DYDC2: variants seen among roughly 807,000 people sequenced by gnomAD.
The protein encoded by DYDC2 is DPY30 domain-containing protein 2.
In DYDC2, 19 loss-of-function variants were observed where a neutral mutation model predicts 18.7. The observed-to-expected ratio is 1.02, with a 90% CI of 0.71 to 1.49. The LOEUF (loss-of-function observed/expected upper bound fraction) is 1.49, where lower values mean the gene tolerates loss of function less well. Among genes scored for constraint, DYDC2 ranks in the 40% most tolerant of loss-of-function variants. The pLI, the probability that DYDC2 is intolerant of heterozygous loss-of-function variation, is 0.00. For missense variants in DYDC2, 179 were observed against 205.1 expected, an observed-to-expected ratio of 0.87 and a Z score of 0.78; for synonymous variants, 63 against 67.6, an observed-to-expected ratio of 0.93 and a Z score of 0.34.
chr10:80,346,617 C>G (rs1259362939), intron 1 of DYDC2, among the ~76,000 whole-genome samples: 1 of 151,606 alleles, frequency 6.6e-6, no homozygotes, highest in Non-Finnish European at 1.5e-5. Context: ...CCCGCCACCA[C>G]GCCCGGCTAA....
chr10:80,367,154 G>GT lies in DYDC2; in HGVS notation c.*204dup. On this transcript the variant is annotated 3_prime_UTR_variant, in exon 5 of 5. Transcript: ENST00000256039. ...AACTCAGAATAAGGATTTAAAATAA[G>GT]TAACCAAGTGGCTGTGACTTTTTCC... 1.7e-6 allele frequency: 1 copy of GT among 574,032 alleles called. No individual in the cohort carries two copies. The highest frequency in any genetic ancestry group is 2.8e-6 in the Non-Finnish European group (1 of 352,144). The allele number at this position is 574,032 out of a possible 1,614,324, so 35.6% of individuals were successfully genotyped here.
chr10:80,358,290 A>C (rs1843511158), intron 2 of DYDC2, among the ~76,000 whole-genome samples: 1 of 152,162 alleles, frequency 6.6e-6, no homozygotes, highest in Admixed American at 6.5e-5. Context: ...AGACAGCGGA[A>C]TTGCTTGAAC....
At chr10:80,364,535 C>T (rs112911677) in intron 4 of DYDC2, among the ~76,000 whole-genome samples, 36 of 152,290 alleles carry the variant, frequency 2.4e-4, no homozygotes, top group Non-Finnish European at 2.6e-4. Context: ...GAAAATTTCT[C>T]GGTTCACATC....
intron 2 of DYDC2, among the ~76,000 whole-genome samples, chr10:80,359,884 C>T (rs145717999): frequency 7.2e-5 from 11 of 152,308 alleles, no homozygotes; most frequent in African/African-American, 2.4e-4. Context: ...TCCACACCTC[C>T]CTGCAAGCAG....
intron 2 of DYDC2, among the ~76,000 whole-genome samples, chr10:80,358,708 G>C (rs537086932): frequency 1.3e-5 from 2 of 152,184 alleles, no homozygotes; most frequent in Non-Finnish European, 2.9e-5. Flanking sequence ...TGCAGGTTCT[G>C]AATCTGTGGT....
upstream of DYDC2, chr10:80,356,645 C>T (rs1164571791): frequency 1.0e-6 from 1 of 984,860 alleles, no homozygotes; most frequent in Admixed American, 6.1e-5. Context: ...CCGCCTCTGC[C>T]CGCCGGACCC....
intron 1 of DYDC2, among the ~76,000 whole-genome samples, chr10:80,347,566 C>T (rs560884965): frequency 5.3e-5 from 8 of 152,140 alleles, no homozygotes; most frequent in Non-Finnish European, 1.0e-4. Flanking sequence ...TGTTTTCTTC[C>T]GGGAGTTTTA....
chr10:80,350,338 T>A (rs1263782442), intron 1 of DYDC2, among the ~76,000 whole-genome samples: 1 of 152,208 alleles, frequency 6.6e-6, no homozygotes, highest in Non-Finnish European at 1.5e-5. Flanking sequence ...ACTTACGATG[T>A]AATTGCCTAG....
At chr10:80,351,317 C>T (rs1316745552) in intron 1 of DYDC2, among the ~76,000 whole-genome samples, 1 of 152,168 alleles carries the variant, frequency 6.6e-6, no homozygotes, top group Non-Finnish European at 1.5e-5. Flanking sequence ...CTCTCATCTC[C>T]ATGGTGAGCT....
In DYDC2 at chr10:80,362,522, A is replaced by C; in HGVS notation, c.79A>C (p.Ser27Arg). 2 of 1,614,186 alleles carry C rather than the reference A, an allele frequency of 1.2e-6. No individual in the cohort carries two copies. ...ALAEVAKVRP[S>R]DPIEYLAHWL... ...GGCAGAGGTGGCGAAGGTTCGGCCCAGTGACCCAATAGAATACCTGGCTCA... is the reference window on the plus strand; with the variant it reads ...GGCAGAGGTGGCGAAGGTTCGGCCCCGTGACCCAATAGAATACCTGGCTCA... The change falls in exon 3 of 5, where the codon AGT (serine) becomes CGT (arginine). Residue 27 changes from serine (S) to arginine (R), a missense_variant. By Grantham distance (110) the Ser-to-Arg change is moderately radical. Coordinates refer to ENST00000256039, the MANE Select transcript of DYDC2 (RefSeq NM_032372.6).
chr10:80,354,995 A>G (rs1270800312), upstream of DYDC2, among the ~76,000 whole-genome samples: 1 of 152,144 alleles, frequency 6.6e-6, no homozygotes, highest in Non-Finnish European at 1.5e-5. Context: ...TGCAGTTAAA[A>G]TAAGTACTAT....
chr10:80,367,152 A>G lies in DYDC2; in HGVS notation c.*201A>G, dbSNP rs1375172635. 1.7e-6 allele frequency: 1 copy of G among 582,474 alleles called. No homozygotes were observed. The highest frequency in any genetic ancestry group is 2.8e-6 in the Non-Finnish European group (1 of 358,118). The allele number at this position is 582,474 out of a possible 1,614,324, so 36.1% of individuals were successfully genotyped here. Reference sequence around the variant, plus strand: ...TAAACTCAGAATAAGGATTTAAAATAAGTAACCAAGTGGCTGTGACTTTTT... The same window carrying G: ...TAAACTCAGAATAAGGATTTAAAATGAGTAACCAAGTGGCTGTGACTTTTT... On this transcript the variant is annotated 3_prime_UTR_variant, in exon 5 of 5. Transcript: ENST00000256039.
At chr10:80,356,915 A>G (rs1466262015) in intron 1 of DYDC2, 90 bp downstream of exon 1, 56 of 917,590 alleles carry the variant, frequency 6.1e-5, no homozygotes, top group Non-Finnish European at 7.0e-5. Context: ...GGCAGAGTAG[A>G]GGGGGCGCGG....
upstream of DYDC2, among the ~76,000 whole-genome samples, chr10:80,355,226 T>G (rs993802003): frequency 6.6e-6 from 1 of 151,966 alleles, no homozygotes; most frequent in Non-Finnish European, 1.5e-5. Flanking sequence ...AACTTGTCCC[T>G]GGACAAATGC....
chr10:80,358,758 C>T (rs1295998025), intron 2 of DYDC2, among the ~76,000 whole-genome samples: 1 of 152,152 alleles, frequency 6.6e-6, no homozygotes, highest in Non-Finnish European at 1.5e-5. Context: ...CCCAATGTGT[C>T]CAGAATTGGT....
In DYDC2 at chr10:80,362,597, A is replaced by G. The variant is rs747129762; in HGVS notation, c.147+7A>G. ...AGCAAAAGCAAAAGAAGAGGTGTGTATGTGCACTGGGACTTAGGGAGGGCC... is the reference window on the plus strand; with the variant it reads ...AGCAAAAGCAAAAGAAGAGGTGTGTGTGTGCACTGGGACTTAGGGAGGGCC... On this transcript the variant is annotated splice_region_variant and intron_variant, in intron 3 of 4. Coordinates refer to ENST00000256039, the MANE Select transcript of DYDC2 (RefSeq NM_032372.6). 1.3e-5 allele frequency: 21 copies of G among 1,601,134 alleles called. No individual in the cohort carries two copies.
In DYDC2 at chr10:80,367,188, T is replaced by C. The variant is rs1485239650; in HGVS notation, c.*237T>C. On this transcript the variant is annotated 3_prime_UTR_variant, in exon 5 of 5. Transcript: ENST00000256039. ...TGGCTGTGACTTTTTCCTCTTGTTT[T>C]ATCAACGTTTTGGAGACTACACAAT... 4.2e-6 allele frequency: 2 copies of C among 471,756 alleles called. No homozygotes were observed. Among genetic ancestry groups the C allele is most frequent in the Admixed American group, 4.0e-5 (1 of 24,910 alleles). 29.2% of individuals were successfully genotyped at this position (471,756 alleles called of 1,614,324 possible).
chr10:80,353,796 C>G (rs778568728), upstream of DYDC2, among the ~76,000 whole-genome samples: 3 of 151,988 alleles, frequency 2.0e-5, no homozygotes, highest in Non-Finnish European at 4.4e-5. Flanking sequence ...TACATGAGAC[C>G]CACATTACTT....
intron 2 of DYDC2, among the ~76,000 whole-genome samples, chr10:80,359,287 C>G (rs1186056581): frequency 6.6e-6 from 1 of 152,204 alleles, no homozygotes; most frequent in African/African-American, 2.4e-5. Context: ...GGTGCATTTA[C>G]AAACCTTGAG....
Sources: allele counts gnomAD v4.1 joint callset (sites outside exome capture counted in the v4.1 genomes callset), GRCh38; gene constraint gnomAD v4.1.1; transcripts MANE v1.5; gene names NCBI Gene and HGNC (gene_info 2026-07-23, HGNC 2026-07-21).